ARMC9: variants seen among roughly 807,000 people sequenced by gnomAD.
ARMC9 encodes lisH domain-containing protein ARMC9.
In ARMC9, 94 loss-of-function variants were observed where a neutral mutation model predicts 107.0. The ratio of observed to expected loss-of-function variants is 0.88; its 90% confidence interval spans 0.74 to 1.04. The LOEUF is 1.04. ARMC9 is among the 50% of genes least tolerant of loss of function. ARMC9 has a pLI of 0.00. For synonymous variants in ARMC9, 380 were observed against 396.9 expected (o/e 0.96, Z 0.51); for missense variants, 942 against 1,030.1 (o/e 0.91, Z 1.17).
intron 14 of ARMC9, 103 bp from the exon 15 acceptor site, chr2:231,276,533 G>A (rs1470472488): frequency 6.6e-7 from 1 of 1,509,886 alleles, no homozygotes; most frequent in African/African-American, 1.4e-5. Flanking sequence ...GCCTCCCAAA[G>A]TGCTGGGATT....
chr2:231,302,738 C>T (rs187863552), intron 19 of ARMC9, among the ~76,000 whole-genome samples: 89 of 152,286 alleles, frequency 5.8e-4, no homozygotes, highest in Non-Finnish European at 1.3e-4. Flanking sequence ...TGCAGTGGCT[C>T]ACGCCTGTAA....
intron 19 of ARMC9, among the ~76,000 whole-genome samples, chr2:231,319,648 C>T (rs1474263733): frequency 6.6e-6 from 1 of 152,076 alleles, no homozygotes. Flanking sequence ...TTCTGGAAGT[C>T]ACTTTCATCT....
intron 18 of ARMC9, among the ~76,000 whole-genome samples, chr2:231,293,454 G>C (rs2041159810): frequency 6.6e-6 from 1 of 152,190 alleles, no homozygotes; most frequent in African/African-American, 2.4e-5. Flanking sequence ...AGTCCACTGA[G>C]ATACATCTGT....
intron 19 of ARMC9, among the ~76,000 whole-genome samples, chr2:231,305,837 TA>T (rs1193166109): frequency 6.6e-6 from 1 of 151,462 alleles, no homozygotes; most frequent in African/African-American, 2.5e-5. Context: ...TGAAAAGTGA[TA>T]AAAAACAAAT....
At chr2:231,369,083 C>T (rs1157353830) in intron 23 of ARMC9, among the ~76,000 whole-genome samples, 1 of 152,166 alleles carries the variant, frequency 6.6e-6, no homozygotes, top group African/African-American at 2.4e-5. Context: ...TATGTCCTCA[C>T]TGAATTCTCA....
rs2037838958 is a variant in ARMC9, at chr2:231,256,580, C to T, written c.880-6C>T. On this transcript the variant is annotated splice_polypyrimidine_tract_variant and splice_region_variant and intron_variant, in intron 9 of 24. Coordinates refer to ENST00000611582, the MANE Select transcript of ARMC9 (RefSeq NM_001352754.2). Reference sequence around the variant, plus strand: ...CATCTGTTTTCTTCTGTCCTCTTCCCCCCAGGCATCCACCATGTTACGAGC... The same window carrying T: ...CATCTGTTTTCTTCTGTCCTCTTCCTCCCAGGCATCCACCATGTTACGAGC... The T allele has an allele frequency of 1.9e-6, 3 of 1,614,020 alleles. No individual in the cohort carries two copies. The highest frequency in any genetic ancestry group is 2.5e-6 in the Non-Finnish European group (3 of 1,179,910).
At chr2:231,262,250 A>T (rs1034086762) in intron 11 of ARMC9, 56 bp from the exon 12 acceptor site, 4 of 1,546,266 alleles carry the variant, frequency 2.6e-6, no homozygotes, top group Non-Finnish European at 2.7e-6. Context: ...TGCTATGAGA[A>T]ACTTTTCTCC....
At chr2:231,332,572 G>A (rs1020330867) in intron 20 of ARMC9, among the ~76,000 whole-genome samples, 1 of 152,168 alleles carries the variant, frequency 6.6e-6, no homozygotes, top group African/African-American at 2.4e-5. Flanking sequence ...TGGCTCGGAT[G>A]CTCAGCCAGC....
At chr2:231,343,764 A>C (rs1333685643) in intron 20 of ARMC9, among the ~76,000 whole-genome samples, 4 of 152,112 alleles carry the variant, frequency 2.6e-5, no homozygotes, top group African/African-American at 9.7e-5. Context: ...CTTTTTGTGC[A>C]CTTTTAGCAC....
intron 12 of ARMC9, among the ~76,000 whole-genome samples, chr2:231,263,535 A>C (rs1222189968): frequency 1.3e-5 from 2 of 152,326 alleles, no homozygotes; most frequent in South Asian, 4.1e-4. Context: ...ATTAATGCCT[A>C]ATATCCTCTT....
rs367590612 is a variant in ARMC9, at chr2:231,229,786, T to G, written c.622+2988T>G. Reference sequence around the variant, plus strand: ...CATTATAAAGACAGAGAGGTTAATTTTAGCTTTTCATAGTGGGTGAGAAAA... The same window carrying G: ...CATTATAAAGACAGAGAGGTTAATTGTAGCTTTTCATAGTGGGTGAGAAAA... On this transcript the variant is annotated intron_variant, in intron 7 of 24. Transcript: ENST00000611582. 3.9e-5 allele frequency among the ~76,000 whole-genome samples: 6 copies of G among 152,308 alleles called. No individual in the cohort carries two copies. The South Asian group carries it at 6.2e-4, about 16-fold the overall frequency.
In ARMC9 at chr2:231,291,456, C is replaced by A. The variant is rs770889885; in HGVS notation, c.1717+13C>A. 6.2e-7 allele frequency: 1 copy of A among 1,606,162 alleles called. No homozygotes were observed. The highest frequency in any genetic ancestry group is 2.2e-5 in the East Asian group (1 of 44,804). ...CAGCTAAATTCCGGTCAGTTTGATG[C>A]AAGAATCTTTGATCTATCTTTTGAA... On this transcript the variant is annotated intron_variant, in intron 18 of 24. Coordinates refer to ENST00000611582, the MANE Select transcript of ARMC9 (RefSeq NM_001352754.2).
chr2:231,368,090 C>T (rs1011263885), intron 23 of ARMC9, among the ~76,000 whole-genome samples: 1 of 151,462 alleles, frequency 6.6e-6, no homozygotes, highest in Non-Finnish European at 1.5e-5. Flanking sequence ...TTTAAAACAC[C>T]TCATTTGATG....
chr2:231,264,150 C>T (rs767427619), intron 12 of ARMC9, among the ~76,000 whole-genome samples: 1 of 152,108 alleles, frequency 6.6e-6, no homozygotes, highest in African/African-American at 2.4e-5. Flanking sequence ...TAATTTCTTC[C>T]TCAAGTCATT....
At chr2:231,282,164 C>A (rs757271148) in intron 17 of ARMC9, 31 bp downstream of exon 17, 11 of 1,606,956 alleles carry the variant, frequency 6.8e-6, no homozygotes, top group Middle Eastern at 1.6e-4. Context: ...AACATGTGAG[C>A]TTCCTTTAGT....
intron 19 of ARMC9, among the ~76,000 whole-genome samples, chr2:231,325,166 A>G (rs1206987046): frequency 6.6e-6 from 1 of 152,184 alleles, no homozygotes; most frequent in Non-Finnish European, 1.5e-5. Context: ...TGAGGCTGCA[A>G]TGGGGCCCTT....
intron 9 of ARMC9, among the ~76,000 whole-genome samples, chr2:231,248,550 G>C (rs6437010): frequency 0.43 from 65,476 of 151,836 alleles, 17,390 homozygotes; most frequent in African/African-American, 0.76. Context: ...TGGCTTACAC[G>C]TGTAATCCCA....
At position 231,346,545 on chromosome 2, in the gene ARMC9, C is replaced by T. The variant is rs142137889; in HGVS notation, c.1994+1455C>T. On this transcript the variant is annotated intron_variant, in intron 21 of 24. Transcript: ENST00000611582. ...CAAAAAATATAAAAAAAGAATATTA[C>T]ACTCAAGAGCTTTCAATTAACATTT... 4.6e-5 allele frequency among the ~76,000 whole-genome samples: 7 copies of T among 152,184 alleles called. No homozygotes were observed. The East Asian group carries it at 1.4e-3, about 29-fold the overall frequency.
chr2:231,282,228 G>C, intron 17 of ARMC9, 95 bp downstream of exon 17: 1 of 1,280,064 alleles, frequency 7.8e-7, no homozygotes, highest in Non-Finnish European at 1.1e-6. Flanking sequence ...TCCATAGAAA[G>C]GCTCAGATCC....
Sources: allele counts gnomAD v4.1 joint callset (sites outside exome capture counted in the v4.1 genomes callset), GRCh38; gene constraint gnomAD v4.1.1; transcripts MANE v1.5; gene names NCBI Gene and HGNC (gene_info 2026-07-23, HGNC 2026-07-21).